The following UGT1A10 variants were observed in gnomAD, a reference collection of about 807,000 sequenced individuals.
The protein encoded by UGT1A10 is UDP glucuronosyltransferase family 1 member A10, also known as UDP-glucuronosyltransferase 1A10.
A neutral mutation model predicts 45.8 loss-of-function variants in UGT1A10; 49 were observed. The ratio of observed to expected loss-of-function variants is 1.07; its 90% CI spans 0.85 to 1.36. The LOEUF (loss-of-function observed/expected upper bound fraction) is 1.36. UGT1A10 is among the 40% of genes most tolerant of loss of function. The probability of loss-of-function intolerance (pLI) is 0.00; values close to 1 mark genes in which losing one functional copy is unlikely to be tolerated. For synonymous variants in UGT1A10, 284 were observed against 249.7 expected (o/e 1.14, Z -1.29); for missense variants, 745 against 668.6 (o/e 1.11, Z -1.26).
chr2:233,646,970 G>T (rs1225882189), intron 1 of UGT1A10, among the ~76,000 whole-genome samples: 2 of 152,224 alleles, frequency 1.3e-5, no homozygotes, highest in East Asian at 3.8e-4. Context: ...ACAAAAGACA[G>T]AGGTTTAATT....
intron 1 of UGT1A10, among the ~76,000 whole-genome samples, chr2:233,705,552 T>C (rs2075856587): frequency 1.3e-5 from 2 of 152,186 alleles, no homozygotes; most frequent in Non-Finnish European, 1.5e-5. Flanking sequence ...CAGCTGGTGA[T>C]ATTGCTTGTG....
intron 1 of UGT1A10, among the ~76,000 whole-genome samples, chr2:233,730,263 G>C (rs45449797): frequency 1.3e-5 from 2 of 152,070 alleles, no homozygotes; most frequent in South Asian, 2.1e-4. Context: ...AGAGACTGTT[G>C]GTTTGTAAAG....
Position 233,719,305 on chromosome 2 carries a change from C to T in UGT1A10, c.856-47729C>T, listed in dbSNP as rs149960993. 1.9e-6 allele frequency: 3 copies of T among 1,613,868 alleles called. No individual in the cohort carries two copies. The African/African-American group carries it at 4.0e-5, about 22-fold the overall frequency. ...GTTAACCTCTGTGGGGCGGTGCTGG[C>T]TAAGTACCTGTCGATTCCTGCTGTG... On this transcript the variant is annotated intron_variant, in intron 1 of 4. Coordinates refer to ENST00000344644, the MANE Select transcript of UGT1A10 (RefSeq NM_019075.4).
At chr2:233,712,374 T>A (rs1160539437) in intron 1 of UGT1A10, among the ~76,000 whole-genome samples, 2 of 152,226 alleles carry the variant, frequency 1.3e-5, no homozygotes, top group Admixed American at 6.5e-5. Context: ...CAGCTTTTTT[T>A]ATATTGACAG....
intron 1 of UGT1A10, chr2:233,741,688 A>C (rs1691743482): frequency 6.6e-6 from 1 of 151,896 alleles, no homozygotes; most frequent in Non-Finnish European, 1.5e-5. Flanking sequence ...GGGTGCCATT[A>C]CATGCAGAGT....
chr2:233,734,795 T>G (rs1470883191), intron 1 of UGT1A10, among the ~76,000 whole-genome samples: 1 of 152,214 alleles, frequency 6.6e-6, no homozygotes, highest in Non-Finnish European at 1.5e-5. Context: ...CAGGAGCAGG[T>G]TGTTCAGTTT....
rs45594938 is a variant in UGT1A10 at position 233,691,504 on chromosome 2, G to C, written c.855+54127G>C. The C allele has an allele frequency of 8.0e-4, 790 of 985,758 alleles. 9 individuals carry two copies. In the African/African-American group the frequency reaches 0.013, roughly 16 times the overall value. The allele number at this position is 985,758 out of a possible 1,614,324, so 61.1% of individuals were successfully genotyped here. A position where few individuals can be genotyped will look rare whatever the true frequency, so the allele number is the denominator to read the frequency against. On this transcript the variant is annotated intron_variant, in intron 1 of 4. Transcript: ENST00000344644. ...CTTGTGGGTGGGAACAGGAACTCGC[G>C]TGCCAGCCAGGTGTGCATGACTAGC...
At chr2:233,760,305 G>A (rs745957787) in intron 1 of UGT1A10, 6 of 1,613,702 alleles carry the variant, frequency 3.7e-6, no homozygotes, top group Non-Finnish European at 5.1e-6. Flanking sequence ...TGGAGTCCCA[G>A]GGCGGACGCC....
chr2:233,739,954 C>G lies in UGT1A10; in HGVS notation c.856-27080C>G, dbSNP rs28900075. On this transcript the variant is annotated intron_variant, in intron 1 of 4. Coordinates refer to ENST00000344644, the MANE Select transcript of UGT1A10 (RefSeq NM_019075.4). Reference sequence around the variant, plus strand: ...TGTTAAGGTTGGTACCTGGTGGGAGCTGATTGAATCATATCGGCAGTTTTC... The same window carrying G: ...TGTTAAGGTTGGTACCTGGTGGGAGGTGATTGAATCATATCGGCAGTTTTC... Among the ~76,000 whole-genome samples the G allele has an allele frequency of 3.7e-4, 56 of 151,998 alleles. No homozygotes were observed. In the East Asian group the frequency reaches 0.011, roughly 29 times the overall value.
At chr2:233,697,743 A>T (rs1322663266) in intron 1 of UGT1A10, among the ~76,000 whole-genome samples, 2 of 152,094 alleles carry the variant, frequency 1.3e-5, no homozygotes, top group African/African-American at 2.4e-5. Context: ...TGGTTTTGCT[A>T]TAGCCCATAG....
At chr2:233,695,130 CTTTT>C (rs71398796) in intron 1 of UGT1A10, among the ~76,000 whole-genome samples, 1 of 138,840 alleles carries the variant, frequency 7.2e-6, no homozygotes, top group Non-Finnish European at 1.5e-5. Flanking sequence ...CTTTTCTTTT[CTTTT>C]TTTTTTTTTT....
intron 1 of UGT1A10, chr2:233,719,437 C>T (rs1189079913): frequency 6.2e-7 from 1 of 1,613,870 alleles, no homozygotes; most frequent in East Asian, 2.2e-5. Context: ...GACCACATGA[C>T]ATTCCTGCAA....
At chr2:233,766,965 T>C in intron 1 of UGT1A10, 69 bp from the exon 2 acceptor site, 1 of 1,608,636 alleles carries the variant, frequency 6.2e-7, no homozygotes, top group Non-Finnish European at 8.5e-7. Context: ...ATCTAATTCA[T>C]AACTTACTGT....
At chr2:233,671,566 C>G (rs2125500715) in intron 1 of UGT1A10, among the ~76,000 whole-genome samples, 1 of 152,156 alleles carries the variant, frequency 6.6e-6, no homozygotes, top group East Asian at 1.9e-4. Context: ...TGCTCTGGGA[C>G]AAATTCCAAA....
intron 1 of UGT1A10, among the ~76,000 whole-genome samples, chr2:233,684,147 C>T (rs1409199509): frequency 6.6e-6 from 1 of 152,182 alleles, no homozygotes; most frequent in East Asian, 1.9e-4. Context: ...CTTTGTAACA[C>T]AGTCACATTC....
At chr2:233,664,625 G>T (rs2074037509) in intron 1 of UGT1A10, among the ~76,000 whole-genome samples, 1 of 152,132 alleles carries the variant, frequency 6.6e-6, no homozygotes, top group African/African-American at 2.4e-5. Context: ...GTTGGTGGGG[G>T]AGGTCCACAC....
chr2:233,668,053 G>A (rs1213067547), intron 1 of UGT1A10, among the ~76,000 whole-genome samples: 1 of 107,630 alleles, frequency 9.3e-6, no homozygotes, highest in Non-Finnish European at 1.9e-5. Context: ...TTAGTTTACT[G>A]TGCACATTTT....
rs368960201 is a variant in UGT1A10, at chr2:233,672,698, C to T, written c.855+35321C>T. ...CACACATCAATTTGGTTGTTGCGAACGGACTTTGTTTTGGACTATCCCAAA... is the reference window on the plus strand; with the variant it reads ...CACACATCAATTTGGTTGTTGCGAATGGACTTTGTTTTGGACTATCCCAAA... On this transcript the variant is annotated intron_variant, in intron 1 of 4. Coordinates refer to ENST00000344644, the MANE Select transcript of UGT1A10 (RefSeq NM_019075.4). 3.8e-5 allele frequency: 61 copies of T among 1,613,786 alleles called. No individual in the cohort carries two copies. Among genetic ancestry groups the T allele is most frequent in the African/African-American group, 5.3e-5 (4 of 74,888 alleles).
chr2:233,729,474 G>A, intron 1 of UGT1A10: 1 of 1,614,210 alleles, frequency 6.2e-7, no homozygotes. Context: ...GTATGGCAAT[G>A]TTGAACAATA....
Sources: allele counts gnomAD v4.1 joint callset (sites outside exome capture counted in the v4.1 genomes callset), GRCh38; gene constraint gnomAD v4.1.1; transcripts MANE v1.5; gene names NCBI Gene and HGNC (gene_info 2026-07-23, HGNC 2026-07-21).